The following RANBP17 variants were observed in gnomAD, a reference collection of about 807,000 sequenced individuals.
RANBP17 encodes ran-binding protein 17.
RANBP17 carries 158 observed loss-of-function variants against 141.2 expected under a neutral mutation model. The observed-to-expected ratio is 1.12, with a 90% confidence interval of 0.98 to 1.28. The LOEUF is 1.28. RANBP17 is among the 50% of genes most tolerant of loss of function. The probability of loss-of-function intolerance (pLI) is 0.00; values close to 1 mark genes in which losing one functional copy is unlikely to be tolerated. For missense variants in RANBP17, 1,438 were observed against 1,290.7 expected (o/e 1.11, Z -1.75); for synonymous variants, 430 against 450.0 (o/e 0.96, Z 0.56).
At chr5:171,025,496 T>A (rs1207773720) in intron 14 of RANBP17, among the ~76,000 whole-genome samples, 2 of 152,104 alleles carry the variant, frequency 1.3e-5, no homozygotes, top group African/African-American at 2.4e-5. Context: ...TTAATTCCTG[T>A]TTTCTCTAGG....
chr5:171,155,147 A>G (rs1246682935), intron 14 of RANBP17, among the ~76,000 whole-genome samples: 2 of 146,938 alleles, frequency 1.4e-5, no homozygotes, highest in African/African-American at 5.0e-5. Context: ...ACACATATAC[A>G]CATATATGTA....
At chr5:170,914,307 C>A in intron 8 of RANBP17, 67 bp downstream of exon 8, 4 of 996,692 alleles carry the variant, frequency 4.0e-6, no homozygotes, top group Non-Finnish European at 6.1e-6. Flanking sequence ...TATATATTTA[C>A]TTCAAAAATT....
At chr5:171,120,030 T>C (rs1265485345) in intron 14 of RANBP17, among the ~76,000 whole-genome samples, 1 of 125,464 alleles carries the variant, frequency 8.0e-6, no homozygotes, top group African/African-American at 2.8e-5. Context: ...AGAGCGAAAC[T>C]TAGTCTCAAA....
chr5:170,919,640 G>C, intron 11 of RANBP17, 27 bp downstream of exon 11: 1 of 1,513,048 alleles, frequency 6.6e-7, no homozygotes, highest in Non-Finnish European at 8.9e-7. Flanking sequence ...TGTTTTTGTT[G>C]TATTTCCTTT....
intron 14 of RANBP17, among the ~76,000 whole-genome samples, chr5:171,092,985 A>G (rs1366956682): frequency 6.6e-6 from 1 of 152,206 alleles, no homozygotes; most frequent in African/African-American, 2.4e-5. Context: ...ATTTGTGGGA[A>G]GACAAGTGTA....
intron 18 of RANBP17, among the ~76,000 whole-genome samples, chr5:171,198,917 G>A (rs905587558): frequency 4.6e-5 from 7 of 152,244 alleles, no homozygotes; most frequent in East Asian, 1.9e-4. Context: ...TCATTTAAAA[G>A]AAACCCCTTT....
chr5:171,108,194 A>G (rs769060890), intron 14 of RANBP17, among the ~76,000 whole-genome samples: 2 of 152,148 alleles, frequency 1.3e-5, no homozygotes, highest in Non-Finnish European at 1.5e-5. Flanking sequence ...AAACAGTTCT[A>G]TAAGCAACAG....
intron 13 of RANBP17, among the ~76,000 whole-genome samples, chr5:170,957,434 C>T (rs972640879): frequency 6.6e-6 from 1 of 152,066 alleles, no homozygotes; most frequent in African/African-American, 2.4e-5. Context: ...GTGAATTTGC[C>T]TACTTCATAA....
chr5:171,066,315 C>T (rs1027324717), intron 14 of RANBP17, among the ~76,000 whole-genome samples: 4 of 152,178 alleles, frequency 2.6e-5, no homozygotes, highest in Non-Finnish European at 5.9e-5. Context: ...ACCAATCTGT[C>T]CCCAACTTCA....
At chr5:171,135,037 G>A (rs1260541371) in intron 14 of RANBP17, among the ~76,000 whole-genome samples, 1 of 152,192 alleles carries the variant, frequency 6.6e-6, no homozygotes, top group East Asian at 1.9e-4. Flanking sequence ...GGGAGGCTGA[G>A]ATGGGTGGAT....
chr5:171,268,462 A>G (rs1410507105), intron 25 of RANBP17, among the ~76,000 whole-genome samples: 2 of 152,180 alleles, frequency 1.3e-5, no homozygotes. Flanking sequence ...TTGGTATTCA[A>G]GGTGAGGATA....
At chr5:171,228,856 T>C (rs555555616) in intron 22 of RANBP17, among the ~76,000 whole-genome samples, 11 of 152,298 alleles carry the variant, frequency 7.2e-5, no homozygotes, top group Admixed American at 5.9e-4. Context: ...ATATACATTA[T>C]TATTTTAGAA....
At chr5:171,135,714 T>C (rs1379466687) in intron 14 of RANBP17, among the ~76,000 whole-genome samples, 1 of 152,208 alleles carries the variant, frequency 6.6e-6, no homozygotes, top group East Asian at 1.9e-4. Context: ...AAAATTCTTT[T>C]TCTCTTTACT....
At chr5:171,094,049 C>T (rs1001945864) in intron 14 of RANBP17, among the ~76,000 whole-genome samples, 1 of 152,152 alleles carries the variant, frequency 6.6e-6, no homozygotes, top group African/African-American at 2.4e-5. Flanking sequence ...CTTGAAAGTA[C>T]AGTTTACCAG....
intron 14 of RANBP17, among the ~76,000 whole-genome samples, chr5:171,018,618 CTT>C (rs1208398798): frequency 6.6e-6 from 1 of 152,174 alleles, no homozygotes; most frequent in Admixed American, 6.5e-5. Flanking sequence ...TATTGTGAGA[CTT>C]TGCTGAAGTT....
intron 25 of RANBP17, among the ~76,000 whole-genome samples, chr5:171,292,864 G>A (rs1768577872): frequency 6.6e-6 from 1 of 152,134 alleles, no homozygotes; most frequent in Non-Finnish European, 1.5e-5. Flanking sequence ...ATCAGAGCAT[G>A]TCTCATCTGT....
intron 14 of RANBP17, among the ~76,000 whole-genome samples, chr5:171,066,366 T>A (rs968182818): frequency 6.6e-6 from 1 of 152,182 alleles, no homozygotes; most frequent in African/African-American, 2.4e-5. Flanking sequence ...TGCTCTCTAC[T>A]TTTATGAGGA....
chr5:171,260,624 G>A (rs1345677575), intron 24 of RANBP17, among the ~76,000 whole-genome samples: 1 of 152,066 alleles, frequency 6.6e-6, no homozygotes, highest in East Asian at 1.9e-4. Context: ...TAACAAAAAG[G>A]TATTGTAGTC....
At chr5:171,003,722 G>C (rs1401095622) in intron 14 of RANBP17, among the ~76,000 whole-genome samples, 1 of 152,156 alleles carries the variant, frequency 6.6e-6, no homozygotes, top group Non-Finnish European at 1.5e-5. Context: ...TCATGAGAAA[G>C]AGCTTGGCTG....
Sources: allele counts gnomAD v4.1 joint callset (sites outside exome capture counted in the v4.1 genomes callset), GRCh38; gene constraint gnomAD v4.1.1; transcripts MANE v1.5; gene names NCBI Gene and HGNC (gene_info 2026-07-23, HGNC 2026-07-21).